Variants in CYTH3 observed in about 807,000 individuals in gnomAD.
CYTH3 encodes the protein cytohesin 3, also known as cytohesin-3.
Under a neutral mutation model 55.1 loss-of-function variants are expected in CYTH3, and 23 were observed. The observed-to-expected ratio is 0.42, with a 90% confidence interval of 0.30 to 0.59. CYTH3 has a LOEUF of 0.59. CYTH3 is among the 20% of genes least tolerant of loss of function. CYTH3 has a pLI of 0.20. For missense variants in CYTH3, 413 were observed against 524.8 expected, an observed-to-expected ratio of 0.79 and a Z score of 2.08; for synonymous variants, 249 against 194.9, an observed-to-expected ratio of 1.28 and a Z score of -2.31.
At chr7:6,270,902 T>C (rs142893300) in intron 1 of CYTH3, among the ~76,000 whole-genome samples, 1 of 152,268 alleles carries the variant, frequency 6.6e-6, no homozygotes, top group Non-Finnish European at 1.5e-5. Flanking sequence ...TCTTCAAGTC[T>C]ACATTTCTTT....
At chr7:6,230,242 GTTA>G (rs758902444) in intron 1 of CYTH3, among the ~76,000 whole-genome samples, 4 of 152,162 alleles carry the variant, frequency 2.6e-5, no homozygotes, top group Non-Finnish European at 4.4e-5. Context: ...GCATGTGGCC[GTTA>G]TTATTGTTGC....
At chr7:6,195,119 G>A (rs964424486) in intron 1 of CYTH3, among the ~76,000 whole-genome samples, 12 of 152,080 alleles carry the variant, frequency 7.9e-5, no homozygotes, top group African/African-American at 2.9e-4. Context: ...ATAACTTTTG[G>A]ATGGCAATGG....
chr7:6,175,050 G>A (rs949496073), intron 5 of CYTH3, among the ~76,000 whole-genome samples: 1 of 152,166 alleles, frequency 6.6e-6, no homozygotes, highest in Non-Finnish European at 1.5e-5. Context: ...GAATCAGTAT[G>A]ATAACTGGTC....
intron 1 of CYTH3, among the ~76,000 whole-genome samples, chr7:6,253,332 C>T (rs905434220): frequency 3.3e-5 from 5 of 151,672 alleles, no homozygotes; most frequent in Admixed American, 6.6e-5. Flanking sequence ...ATTCTCGTGC[C>T]TCAGCTTGAG....
At position 6,170,426 on chromosome 7, in the gene CYTH3, T is replaced by C; in HGVS notation, c.823+109A>G. The C allele has an allele frequency of 9.9e-7, 1 of 1,013,234 alleles. No homozygotes were observed. Among genetic ancestry groups the C allele is most frequent in the Non-Finnish European group, 1.4e-6 (1 of 690,966 alleles). 62.8% of individuals were successfully genotyped at this position (1,013,234 alleles called of 1,614,324 possible). ...GGCTTAACCGCGTTTCTTTTTAACG[T>C]CTCTGCCTGCGGTGGGGGGCATTCC... On this transcript the variant is annotated intron_variant, in intron 9 of 12. Coordinates refer to ENST00000350796, the MANE Select transcript of CYTH3 (RefSeq NM_004227.4). This position sits in a 1 kb window ranked among gnomAD's most constrained non-coding sequence, Gnocchi z 7.8.
intron 1 of CYTH3, among the ~76,000 whole-genome samples, chr7:6,269,607 T>G (rs906661239): frequency 2.0e-5 from 3 of 151,486 alleles, no homozygotes; most frequent in African/African-American, 7.3e-5. Flanking sequence ...AGAACTGTTC[T>G]CGAAAAACTG....
intron 1 of CYTH3, among the ~76,000 whole-genome samples, chr7:6,211,143 C>A (rs1014407542): frequency 1.3e-5 from 2 of 152,216 alleles, no homozygotes; most frequent in African/African-American, 4.8e-5. Context: ...CCATCTGCCA[C>A]TGGGGCACCA....
chr7:6,249,742 A>G (rs1779912161), intron 1 of CYTH3, among the ~76,000 whole-genome samples: 1 of 152,218 alleles, frequency 6.6e-6, no homozygotes, highest in Non-Finnish European at 1.5e-5. Flanking sequence ...TACAATTGAC[A>G]ACTAAAAATT....
rs1035748793 is a variant in CYTH3 at position 6,164,722 on chromosome 7, G to C, written c.*222C>G. On this transcript the variant is annotated 3_prime_UTR_variant, in exon 13 of 13. Coordinates refer to ENST00000350796, the MANE Select transcript of CYTH3 (RefSeq NM_004227.4). ...GGCCTCGAGGATCAGTCTGGGCCAC[G>C]GTACGCTCTGGAGCAGCAGCTTGCA... 4 of 624,050 alleles carry C rather than the reference G, an allele frequency of 6.4e-6. No homozygotes were observed. The highest frequency in any genetic ancestry group is 3.7e-5 in the South Asian group (2 of 53,990). 38.7% of individuals were successfully genotyped at this position (624,050 alleles called of 1,614,324 possible). A position where few individuals can be genotyped will look rare whatever the true frequency, so the allele number is the denominator to read the frequency against.
chr7:6,176,298 G>A (rs1783348832), intron 5 of CYTH3, among the ~76,000 whole-genome samples: 1 of 112,026 alleles, frequency 8.9e-6, no homozygotes, highest in East Asian at 2.9e-4. Flanking sequence ...GTCTCACTCT[G>A]TAGCCCAGGC....
At chr7:6,271,829 C>G (rs1780667001) in intron 1 of CYTH3, among the ~76,000 whole-genome samples, 2 of 152,130 alleles carry the variant, frequency 1.3e-5, no homozygotes, top group Non-Finnish European at 2.9e-5. Flanking sequence ...ACCCTCGGCT[C>G]CACGGAGTTT....
At chr7:6,249,724 C>T (rs547857557) in intron 1 of CYTH3, among the ~76,000 whole-genome samples, 3 of 152,274 alleles carry the variant, frequency 2.0e-5, no homozygotes, top group Admixed American at 6.5e-5. Context: ...TCCCCACCTA[C>T]GTTGAGATAC....
At chr7:6,217,720 C>A (rs1784458458) in intron 1 of CYTH3, among the ~76,000 whole-genome samples, 1 of 151,872 alleles carries the variant, frequency 6.6e-6, no homozygotes, top group South Asian at 2.1e-4. Context: ...TAGAACACTC[C>A]CACCAACAGC....
intron 1 of CYTH3, among the ~76,000 whole-genome samples, chr7:6,193,560 G>A (rs1783853172): frequency 6.6e-6 from 1 of 152,184 alleles, no homozygotes; most frequent in Admixed American, 6.5e-5. Context: ...AGCAAACTTT[G>A]AAGCCCACAG....
chr7:6,246,900 C>T (rs971302997), intron 1 of CYTH3, among the ~76,000 whole-genome samples: 3 of 151,958 alleles, frequency 2.0e-5, no homozygotes, highest in Non-Finnish European at 4.4e-5. Flanking sequence ...TTTTTTAACA[C>T]CACAAGTTCC....
rs138509535 is a variant in CYTH3 at position 6,220,059 on chromosome 7, G to C, written c.35-29528C>G. Among the ~76,000 whole-genome samples, 33 of 151,540 alleles carry C rather than the reference G, an allele frequency of 2.2e-4. No individual in the cohort carries two copies. In the East Asian group the frequency reaches 3.7e-3, roughly 17 times the overall value. On this transcript the variant is annotated intron_variant, in intron 1 of 12. Transcript: ENST00000350796. ...GCACCACCACACCCAGCTAATTTTT[G>C]TATTTTTTTTTTGGTAGAGACGGGG...
At chr7:6,186,968 G>T in intron 4 of CYTH3, 82 bp downstream of exon 4, 1 of 1,418,296 alleles carries the variant, frequency 7.1e-7, no homozygotes. Context: ...GACCACCTCT[G>T]ACCTCTGTCC....
intron 1 of CYTH3, among the ~76,000 whole-genome samples, chr7:6,265,321 A>T (rs929592300): frequency 6.6e-6 from 1 of 152,070 alleles, no homozygotes; most frequent in South Asian, 2.1e-4. Flanking sequence ...CTTTTATGAA[A>T]AAAAAGCTTG....
intron 1 of CYTH3, among the ~76,000 whole-genome samples, chr7:6,191,504 A>T (rs1407990502): frequency 6.6e-6 from 1 of 152,158 alleles, no homozygotes; most frequent in Non-Finnish European, 1.5e-5. Context: ...AAGTGGATTA[A>T]AAGTATAAAT....
Sources: allele counts gnomAD v4.1 joint callset (sites outside exome capture counted in the v4.1 genomes callset), GRCh38; gene constraint gnomAD v4.1.1; non-coding constraint Gnocchi (gnomAD v3.1); transcripts MANE v1.5; gene names NCBI Gene and HGNC (gene_info 2026-07-23, HGNC 2026-07-21).